The following CELSR1 variants were observed in gnomAD, a reference collection of about 807,000 sequenced individuals.
CELSR1 encodes the protein cadherin EGF LAG seven-pass G-type receptor 1, also known as adhesion G protein-coupled receptor C1.
Under a neutral mutation model 249.1 loss-of-function variants are expected in CELSR1, and 110 were observed. The observed-to-expected ratio is 0.44, with a 90% CI of 0.38 to 0.52. The LOEUF is 0.52. Ranked by LOEUF, CELSR1 falls within the 20% of genes least tolerant of loss-of-function variation. CELSR1 has a pLI of 0.00. For missense variants in CELSR1, 4,109 were observed against 4,296.4 expected (o/e 0.96, Z 1.22); for synonymous variants, 2,113 against 1,900.0 (o/e 1.11, Z -2.92).
At chr22:46,525,871 G>A (rs1173843873) in intron 1 of CELSR1, among the ~76,000 whole-genome samples, 1 of 152,236 alleles carries the variant, frequency 6.6e-6, no homozygotes, top group African/African-American at 2.4e-5. Context: ...GCGACACTGG[G>A]GCCAGCGTGG....
At position 46,488,927 on chromosome 22, in the gene CELSR1, G is replaced by A. The variant is rs1319219615; in HGVS notation, c.3545-24582C>T. On this transcript the variant is annotated intron_variant, in intron 1 of 34. Transcript: ENST00000674500. This position sits in a 1 kb window ranked among gnomAD's most constrained non-coding sequence, Gnocchi z 4.7. ...GCCTGCCTCGGCTTCCCAAAGTGTT[G>A]GGATTACAGGCGGAAGCCACCACGC... Among the ~76,000 whole-genome samples the A allele has an allele frequency of 1.3e-5, 2 of 151,468 alleles. No individual in the cohort carries two copies. Among genetic ancestry groups the A allele is most frequent in the Non-Finnish European group, 2.9e-5 (2 of 67,898 alleles).
At chr22:46,461,847 G>A (rs978400962) in intron 2 of CELSR1, among the ~76,000 whole-genome samples, 1 of 152,258 alleles carries the variant, frequency 6.6e-6, no homozygotes, top group African/African-American at 2.4e-5. Flanking sequence ...CACATGGCAG[G>A]CACTGGCTCG....
Position 46,398,998 on chromosome 22 carries a change from A to G in CELSR1, c.5413-361T>C, listed in dbSNP as rs1040533571. Among the ~76,000 whole-genome samples the G allele has an allele frequency of 8.5e-5, 13 of 152,100 alleles. No individual in the cohort carries two copies. Among genetic ancestry groups the G allele is most frequent in the Admixed American group, 3.3e-4 (5 of 15,272 alleles). ...GACTGCAGTGAACGGAAATCCGCTC[A>G]CTCATTAACACTGTGGGAACCCAAG... On this transcript the variant is annotated intron_variant, in intron 10 of 34. Coordinates refer to ENST00000674500, the MANE Select transcript of CELSR1 (RefSeq NM_001378328.1). This position sits in a 1 kb window ranked among gnomAD's most constrained non-coding sequence, Gnocchi z 7.2.
chr22:46,487,995 A>T (rs1389894798), intron 1 of CELSR1, among the ~76,000 whole-genome samples: 2 of 17,206 alleles, frequency 1.2e-4, no homozygotes, highest in Non-Finnish European at 2.3e-4. Flanking sequence ...GGTGTAGGGG[A>T]GGGGTGTCCA....
Position 46,394,259 on chromosome 22 carries a change from G to C in CELSR1, c.5847C>G (p.Leu1949=). 1.2e-6 allele frequency: 2 copies of C among 1,612,644 alleles called. No individual in the cohort carries two copies. ...SHYGPYCENK[L]DLPCPRGWWG... ...ACCAGCCTCTGGGGCACGGAAGGTCGAGTCTGTGGGGAAAATAAGAGGGCA... is the reference window on the plus strand; with the variant it reads ...ACCAGCCTCTGGGGCACGGAAGGTCCAGTCTGTGGGGAAAATAAGAGGGCA... The change falls in exon 14 of 35, where the codon CTC becomes CTG. Residue 1949 remains leucine, a synonymous_variant. Transcript: ENST00000674500.
intron 1 of CELSR1, among the ~76,000 whole-genome samples, chr22:46,487,223 T>C (rs1272717955): frequency 6.6e-6 from 1 of 152,074 alleles, no homozygotes; most frequent in African/African-American, 2.4e-5. Context: ...GATTTCCCTC[T>C]TAGAGTACCC....
In CELSR1 at chr22:46,401,755, C is replaced by T. The variant is rs533159256; in HGVS notation, c.5227-1853G>A. Among the ~76,000 whole-genome samples the T allele has an allele frequency of 2.0e-5, 3 of 152,230 alleles. No homozygotes were observed. Among genetic ancestry groups the T allele is most frequent in the East Asian group, 1.9e-4 (1 of 5,180 alleles). On this transcript the variant is annotated intron_variant, in intron 9 of 34. Transcript: ENST00000674500. The surrounding 1 kb of genome is among the most constrained non-coding windows in gnomAD (Gnocchi z 4.7). ...TGGAACCCTGAGGGGTTTACACTAA[C>T]GATAAAAACGAAAAAGAGCCACCTT...
chr22:46,372,761 C>G, intron 25 of CELSR1, 122 bp downstream of exon 25: 2 of 1,301,870 alleles, frequency 1.5e-6, no homozygotes, highest in Non-Finnish European at 2.1e-6. Flanking sequence ...GAGGCCTCCT[C>G]TGCTGGGGGC....
rs376533134 is a variant in CELSR1, at chr22:46,441,612, G to C, written c.4184-2201C>G. 6.6e-6 allele frequency among the ~76,000 whole-genome samples: 1 copy of C among 152,052 alleles called. No individual in the cohort carries two copies. Among genetic ancestry groups the C allele is most frequent in the African/African-American group, 2.4e-5 (1 of 41,376 alleles). The stretch of plus-strand genomic sequence containing the variant: ...AGGTCTGTCTTTCTAGCTAGCAGAC[G>C]GTGCCTTCTTGCCGCATAAGGGAGA... On this transcript the variant is annotated intron_variant, in intron 2 of 34. Transcript: ENST00000674500. The surrounding 1 kb of genome is among the most constrained non-coding windows in gnomAD (Gnocchi z 6.1).
intron 25 of CELSR1, among the ~76,000 whole-genome samples, chr22:46,372,268 CCTCA>C (rs147757960): frequency 0.016 from 2,234 of 142,440 alleles, 149 homozygotes; most frequent in African/African-American, 0.059. Flanking sequence ...ATCCATCCAT[CCTCA>C]CTCAACCCCC....
At position 46,428,459 on chromosome 22, in the gene CELSR1, G is replaced by A. The variant is rs530704624; in HGVS notation, c.4611+4934C>T. On this transcript the variant is annotated intron_variant, in intron 5 of 34. Transcript: ENST00000674500. This position sits in a 1 kb window ranked among gnomAD's most constrained non-coding sequence, Gnocchi z 5.7. Reference sequence around the variant, plus strand: ...GCCTCAAGCTCCGGCCCAGGGTCTCGCATCTCCACCTGAAGCTACCAGGAC... The same window carrying A: ...GCCTCAAGCTCCGGCCCAGGGTCTCACATCTCCACCTGAAGCTACCAGGAC... Among the ~76,000 whole-genome samples the A allele has an allele frequency of 1.1e-4, 17 of 152,296 alleles. 1 individual carries two copies. In the South Asian group the frequency reaches 3.1e-3, roughly 28 times the overall value.
intron 2 of CELSR1, among the ~76,000 whole-genome samples, chr22:46,456,441 C>T (rs781604630): frequency 6.6e-5 from 10 of 151,974 alleles, no homozygotes; most frequent in Admixed American, 1.3e-4. Flanking sequence ...GGGCAGATCA[C>T]GAGGTCAGGA....
chr22:46,510,597 C>T (rs1013952843), intron 1 of CELSR1, among the ~76,000 whole-genome samples: 2 of 152,172 alleles, frequency 1.3e-5, no homozygotes, highest in Admixed American at 6.5e-5. Flanking sequence ...TCGGCTCACA[C>T]GCAGCCCCAG....
At position 46,534,867 on chromosome 22, in the gene CELSR1, T is replaced by A. The variant is rs1245593945; in HGVS notation, c.2304A>T (p.Thr768=). ...YVLAVTASDG[T]RSHTAHVLIN... Reference sequence around the variant, plus strand: ...TTAGGACATGCGCAGTGTGCGACCGTGTGCCGTCGGATGCTGTCACCGCCA... The same window carrying A: ...TTAGGACATGCGCAGTGTGCGACCGAGTGCCGTCGGATGCTGTCACCGCCA... Residue 768 remains threonine, a synonymous_variant, in exon 1 of 35, where the codon ACA becomes ACT. Transcript: ENST00000674500. The surrounding 1 kb of genome is among the most constrained non-coding windows in gnomAD (Gnocchi z 9.7). 8 of 1,612,820 alleles carry A rather than the reference T, an allele frequency of 5.0e-6. No homozygotes were observed. Among genetic ancestry groups the A allele is most frequent in the Non-Finnish European group, 6.8e-6 (8 of 1,180,004 alleles).
At chr22:46,509,581 G>A (rs916259577) in intron 1 of CELSR1, among the ~76,000 whole-genome samples, 2 of 152,274 alleles carry the variant, frequency 1.3e-5, no homozygotes, top group African/African-American at 4.8e-5. Context: ...GTAAAGGCCA[G>A]GTCACTGCTC....
At position 46,396,855 on chromosome 22, in the gene CELSR1, T is replaced by G. The variant is rs1372713368; in HGVS notation, c.5702-109A>C. ...CAGAAGATCTGACTTTCCCTGGTAC[T>G]CAGCAGAGGGAAGAGGAAGAGTGCC... On this transcript the variant is annotated intron_variant, in intron 12 of 34. Transcript: ENST00000674500. This position sits in a 1 kb window ranked among gnomAD's most constrained non-coding sequence, Gnocchi z 6.4. 1.6e-5 allele frequency: 23 copies of G among 1,414,084 alleles called. No individual in the cohort carries two copies. The highest frequency in any genetic ancestry group is 2.1e-5 in the Non-Finnish European group (22 of 1,033,992). The allele number at this position is 1,414,084 out of a possible 1,614,324, so 87.6% of individuals were successfully genotyped here.
At position 46,401,577 on chromosome 22, in the gene CELSR1, C is replaced by T. The variant is rs2079210867; in HGVS notation, c.5227-1675G>A. Among the ~76,000 whole-genome samples the T allele has an allele frequency of 6.6e-6, 1 of 152,172 alleles. No homozygotes were observed. The highest frequency in any genetic ancestry group is 2.4e-5 in the African/African-American group (1 of 41,440). On this transcript the variant is annotated intron_variant, in intron 9 of 34. Coordinates refer to ENST00000674500, the MANE Select transcript of CELSR1 (RefSeq NM_001378328.1). This position sits in a 1 kb window ranked among gnomAD's most constrained non-coding sequence, Gnocchi z 4.7. ...TACCTGAAACCCCTGCCCTCCTTGG[C>T]ACTCTTCAGCCCTATCAGCAGGTGG... is the stretch of plus-strand genomic sequence containing the variant.
Position 46,503,804 on chromosome 22 carries a change from A to T in CELSR1, c.3544+29823T>A, listed in dbSNP as rs112788960. ...CAGCACTTTGGGAGGCTGAGGCAGG[A>T]GAAACTGCTTAAGGCCAGGAGTTTG... On this transcript the variant is annotated intron_variant, in intron 1 of 34. Transcript: ENST00000674500. Among the ~76,000 whole-genome samples the T allele has an allele frequency of 7.6e-3, 1,156 of 151,776 alleles. 19 individuals carry two copies. The highest frequency in any genetic ancestry group is 0.027 in the African/African-American group (1,119 of 41,374).
chr22:46,477,664 C>T (rs370872791), intron 1 of CELSR1, among the ~76,000 whole-genome samples: 5 of 151,988 alleles, frequency 3.3e-5, no homozygotes, highest in East Asian at 1.9e-4. Context: ...TGGGCCACCA[C>T]GCCAGGCTAA....
Sources: allele counts gnomAD v4.1 joint callset (sites outside exome capture counted in the v4.1 genomes callset), GRCh38; gene constraint gnomAD v4.1.1; non-coding constraint Gnocchi (gnomAD v3.1); transcripts MANE v1.5; gene names NCBI Gene and HGNC (gene_info 2026-07-23, HGNC 2026-07-21).